Variants in LYST observed in about 807,000 individuals in gnomAD.
LYST encodes lysosomal trafficking regulator, also known as lysosomal-trafficking regulator.
Under a neutral mutation model 413.6 loss-of-function variants are expected in LYST, and 192 were observed. That is an observed-to-expected ratio of 0.46 (90% CI 0.41 to 0.52). The LOEUF (loss-of-function observed/expected upper bound fraction) is 0.52. Ranked by LOEUF, LYST falls within the 20% of genes least tolerant of loss-of-function variation. The pLI is 0.00. For missense variants in LYST, 3,815 were observed against 4,499.9 expected, an observed-to-expected ratio of 0.85 and a Z score of 4.35; for synonymous variants, 1,525 against 1,567.3, an observed-to-expected ratio of 0.97 and a Z score of 0.64.
chr1:235,752,167 G>T lies in LYST; in HGVS notation c.7465C>A (p.Pro2489Thr). ...AALNGLEKNI[P>T]MSEYKLLACD... ...GCAAGCAATTTATATTCACTCATGG[G>T]AATGCTAAAGATAACAACAAAAGAA... Residue 2489 changes from proline (P) to threonine (T), a missense_variant, in exon 27 of 53, where the codon CCC (proline) becomes ACC (threonine). Pro to Thr is a conservative substitution (Grantham distance 38). Coordinates refer to ENST00000389793, the MANE Select transcript of LYST (RefSeq NM_000081.4). 6.2e-7 allele frequency: 1 copy of T among 1,602,626 alleles called. No individual in the cohort carries two copies. Among genetic ancestry groups the T allele is most frequent in the South Asian group, 1.1e-5 (1 of 90,664 alleles).
At chr1:235,677,315 G>A (rs930799617) in intron 49 of LYST, 127 bp from the exon 50 acceptor site, 1 of 1,059,214 alleles carries the variant, frequency 9.4e-7, no homozygotes, top group African/African-American at 1.6e-5. Flanking sequence ...CTATCTGATT[G>A]TATGACTTCA....
Position 235,793,680 on chromosome 1 carries a change from C to T in LYST, c.4007-68G>A, listed in dbSNP as rs545333731. ...TTAGAGGAATAAATGAGCAATTTCA[C>T]CAAAAGAGGTAAAATACTATTGTCA... On this transcript the variant is annotated intron_variant, in intron 10 of 52. Coordinates refer to ENST00000389793, the MANE Select transcript of LYST (RefSeq NM_000081.4). 64 of 813,830 alleles carry T rather than the reference C, an allele frequency of 7.9e-5. No homozygotes were observed. In the African/African-American group the frequency reaches 1.0e-3, roughly 13 times the overall value. The allele number at this position is 813,830 out of a possible 1,614,324, so 50.4% of individuals were successfully genotyped here. A position where few individuals can be genotyped will look rare whatever the true frequency, so the allele number is the denominator to read the frequency against.
At chr1:235,803,262 A>G (rs1298958571) in intron 7 of LYST, among the ~76,000 whole-genome samples, 198 bp from the exon 8 acceptor site, 2 of 152,148 alleles carry the variant, frequency 1.3e-5, no homozygotes, top group East Asian at 3.8e-4. Context: ...TAATACCTCA[A>G]AAAGGGGGTT....
In LYST at chr1:235,807,586, A is replaced by G. The variant is rs1202550401; in HGVS notation, c.2364-814T>C. ...ATAATAGTTTTAAAGTAGTTGTGCT[A>G]AGATTGACCAAAAAATGCCACACAC... is the stretch of plus-strand genomic sequence containing the variant. On this transcript the variant is annotated intron_variant, in intron 5 of 52. Coordinates refer to ENST00000389793, the MANE Select transcript of LYST (RefSeq NM_000081.4). 2.0e-5 allele frequency among the ~76,000 whole-genome samples: 3 copies of G among 152,220 alleles called. No individual in the cohort carries two copies. The East Asian group carries it at 5.8e-4, about 29-fold the overall frequency.
chr1:235,837,008 G>A (rs1244368502), intron 1 of LYST, among the ~76,000 whole-genome samples: 1 of 152,192 alleles, frequency 6.6e-6, no homozygotes, highest in Admixed American at 6.5e-5. Context: ...ACCCAGAACA[G>A]TGCTGTTCAC....
intron 41 of LYST, among the ~76,000 whole-genome samples, chr1:235,715,663 C>A (rs1375295008): frequency 6.6e-6 from 1 of 152,126 alleles, no homozygotes; most frequent in Non-Finnish European, 1.5e-5. Flanking sequence ...CTCATAATGT[C>A]TAAGCTGATC....
intron 47 of LYST, 120 bp downstream of exon 47, chr1:235,693,230 T>C: frequency 1.2e-5 from 7 of 583,424 alleles, no homozygotes; most frequent in East Asian, 3.2e-5. Context: ...GGCAGGAGAA[T>C]GGCGTGAGCC....
rs149529363 is a variant in LYST, at chr1:235,750,530, GGTGT to G, written c.7780+676_7780+679del. 3.5e-3 allele frequency among the ~76,000 whole-genome samples: 528 copies of G among 151,842 alleles called. 3 individuals carry two copies. The highest frequency in any genetic ancestry group is 6.8e-3 in the Middle Eastern group (2 of 294). On this transcript the variant is annotated intron_variant, in intron 28 of 52. Transcript: ENST00000389793. Reference sequence around the variant, plus strand: ...ACAATTTACCAAATACTCTGGAGATGGTGTGTGTGTGTGCATGTGTACATGCATA... The same window carrying G: ...ACAATTTACCAAATACTCTGGAGATGGTGTGTGTGCATGTGTACATGCATA...
chr1:235,728,592 A>G (rs1357360128), intron 37 of LYST, among the ~76,000 whole-genome samples: 1 of 152,204 alleles, frequency 6.6e-6, no homozygotes, highest in Non-Finnish European at 1.5e-5. Flanking sequence ...AGGGTAGAGT[A>G]GGCCCTAAAC....
In LYST at chr1:235,715,207, A is replaced by G. The variant is rs1437423074; in HGVS notation, c.9778T>C (p.Tyr3260His). 1 of 1,613,870 alleles carries G rather than the reference A, an allele frequency of 6.2e-7. No homozygotes were observed. The highest frequency in any genetic ancestry group is 8.5e-7 in the Non-Finnish European group (1 of 1,179,824). ...GCAGTTATTAAATTCTTACCTTGAT[A>G]GGCTAAAAACATTTTAGTGAAAGGA... Reference protein sequence around the residue: ...MPPFTKMFLAYQDQSFDIPDR... With the variant: ...MPPFTKMFLAHQDQSFDIPDR... The change falls in exon 42 of 53, where the codon TAT (tyrosine) becomes CAT (histidine). Residue 3260 changes from tyrosine to histidine, a missense_variant. Transcript: ENST00000389793.
intron 8 of LYST, 93 bp downstream of exon 8, chr1:235,802,815 T>C: frequency 8.5e-7 from 1 of 1,172,734 alleles, no homozygotes; most frequent in East Asian, 2.4e-5. Context: ...TGTAAGGCAA[T>C]ACAAAATTCT....
rs893618399 is a variant in LYST, at chr1:235,764,666, AT to A, written c.6121+1412del. Among the ~76,000 whole-genome samples the A allele has an allele frequency of 2.3e-4, 34 of 148,160 alleles. 1 individual carries two copies. In the South Asian group the frequency reaches 5.4e-3, roughly 23 times the overall value. On this transcript the variant is annotated intron_variant, in intron 21 of 52. Transcript: ENST00000389793. ...AGGCATGTGCCACCATGCCAGGCTA[AT>A]TTTTTTTTTATTTTTAGTAGAGATG...
At chr1:235,792,948 G>A (rs551651242) in intron 11 of LYST, among the ~76,000 whole-genome samples, 1 of 152,304 alleles carries the variant, frequency 6.6e-6, no homozygotes, top group Non-Finnish European at 1.5e-5. Context: ...ACAGGTATGA[G>A]CCATGGCGCC....
intron 17 of LYST, among the ~76,000 whole-genome samples, chr1:235,775,586 TA>T (rs1669153589): frequency 6.6e-6 from 1 of 152,194 alleles, no homozygotes; most frequent in Non-Finnish European, 1.5e-5. Flanking sequence ...ATTATCATGC[TA>T]AAGGCCAAAG....
intron 16 of LYST, among the ~76,000 whole-genome samples, chr1:235,780,237 C>G (rs890509496): frequency 6.6e-6 from 1 of 151,772 alleles, no homozygotes; most frequent in Admixed American, 6.6e-5. Flanking sequence ...GAGATTCCAT[C>G]TCTACAAAAA....
intron 48 of LYST, among the ~76,000 whole-genome samples, chr1:235,682,212 T>A (rs545001075): frequency 6.6e-6 from 1 of 151,584 alleles, no homozygotes; most frequent in East Asian, 1.9e-4. Context: ...TGGTAGGGGG[T>A]CGGGGATGGG....
chr1:235,770,325 C>T, intron 19 of LYST, 28 bp from the exon 20 acceptor site: 1 of 1,611,818 alleles, frequency 6.2e-7, no homozygotes, highest in East Asian at 2.2e-5. Flanking sequence ...CACCAATAAG[C>T]ACATACTTAC....
At chr1:235,781,866 G>GA (rs1177615991) in intron 15 of LYST, 61 bp downstream of exon 15, 3 of 1,171,846 alleles carry the variant, frequency 2.6e-6, no homozygotes, top group South Asian at 2.5e-5. Flanking sequence ...TGTTTCAAAG[G>GA]AAAAAAATCT....
chr1:235,788,499 T>C (rs1469326399), intron 13 of LYST, among the ~76,000 whole-genome samples: 1 of 152,208 alleles, frequency 6.6e-6, no homozygotes, highest in Non-Finnish European at 1.5e-5. Context: ...AGAATTAATA[T>C]ATTTTAGACT....
Sources: gnomAD v4.1 joint callset for allele counts (sites outside exome capture counted in the v4.1 genomes callset) on GRCh38, gnomAD v4.1.1 for gene constraint, MANE v1.5 for transcripts, NCBI Gene and HGNC (gene_info 2026-07-23, HGNC 2026-07-21) for gene names.